RAP1GAP2: variants seen among roughly 807,000 people sequenced by gnomAD.
RAP1GAP2 encodes the protein RAP1 GTPase activating protein 2.
In RAP1GAP2, 27 loss-of-function variants were observed where a neutral mutation model predicts 95.0. That is an observed-to-expected ratio of 0.28 (90% confidence interval 0.21 to 0.39). The LOEUF (loss-of-function observed/expected upper bound fraction) is 0.39. Ranked by LOEUF, RAP1GAP2 falls within the 10% of genes least tolerant of loss-of-function variation. RAP1GAP2 has a pLI of 1.00. For synonymous variants in RAP1GAP2, 373 were observed against 380.9 expected (o/e 0.98, Z 0.24); for missense variants, 771 against 970.0 (o/e 0.79, Z 2.72).
chr17:2,792,829 G>A (rs915469513), upstream of RAP1GAP2, among the ~76,000 whole-genome samples: 8 of 152,220 alleles, frequency 5.3e-5, no homozygotes, highest in African/African-American at 1.7e-4. Flanking sequence ...CCAGGCTGCC[G>A]TTCAGATGTC....
chr17:2,904,476 T>C lies in RAP1GAP2; in HGVS notation c.81-808T>C, dbSNP rs1314374227. On this transcript the variant is annotated intron_variant, in intron 2 of 24. Transcript: ENST00000254695. This position sits in a 1 kb window ranked among gnomAD's most constrained non-coding sequence, Gnocchi z 4.7. ...CACATGGACTAAGTTAAGTTTTACCTGCGGTTGCACGGCAGGCAGCCCTGT... is the reference window on the plus strand; with the variant it reads ...CACATGGACTAAGTTAAGTTTTACCCGCGGTTGCACGGCAGGCAGCCCTGT... 6.6e-6 allele frequency among the ~76,000 whole-genome samples: 1 copy of C among 151,766 alleles called. No homozygotes were observed. Among genetic ancestry groups the C allele is most frequent in the Non-Finnish European group, 1.5e-5 (1 of 67,966 alleles).
intron 2 of RAP1GAP2, among the ~76,000 whole-genome samples, chr17:2,872,335 C>G (rs530661605): frequency 6.6e-6 from 1 of 151,262 alleles, no homozygotes; most frequent in African/African-American, 2.4e-5. Flanking sequence ...GGGTTGCAAT[C>G]TGAGGTGTCC....
chr17:2,980,935 A>G (rs1323094931), intron 9 of RAP1GAP2, among the ~76,000 whole-genome samples: 1 of 152,166 alleles, frequency 6.6e-6, no homozygotes. Context: ...TGGGCTGGAT[A>G]GTTTTTGGCC....
At chr17:2,845,846 G>T (rs1297510680) in intron 2 of RAP1GAP2, among the ~76,000 whole-genome samples, 1 of 150,876 alleles carries the variant, frequency 6.6e-6, no homozygotes, top group African/African-American at 2.4e-5. Context: ...GGGTGACAGA[G>T]TGAGGCTCTG....
chr17:2,933,784 G>A (rs1237214739), intron 3 of RAP1GAP2, among the ~76,000 whole-genome samples: 1 of 152,240 alleles, frequency 6.6e-6, no homozygotes, highest in African/African-American at 2.4e-5. Flanking sequence ...CCACTAAGAG[G>A]CTTAGACCTG....
At chr17:3,031,396 G>A (rs2047289235) in intron 23 of RAP1GAP2, among the ~76,000 whole-genome samples, 1 of 150,962 alleles carries the variant, frequency 6.6e-6, no homozygotes, top group Non-Finnish European at 1.5e-5. Context: ...CAGATGTGAG[G>A]TGGAAGGTGC....
chr17:2,768,076 C>T (rs1194256298), intron 1 of RAP1GAP2, among the ~76,000 whole-genome samples: 2 of 152,070 alleles, frequency 1.3e-5, no homozygotes, highest in African/African-American at 2.4e-5. Context: ...TTATTTAGCT[C>T]CCTACTGAAG....
intron 2 of RAP1GAP2, among the ~76,000 whole-genome samples, chr17:2,800,904 C>T (rs1189444597): frequency 2.1e-5 from 3 of 141,298 alleles, no homozygotes; most frequent in South Asian, 2.2e-4. Flanking sequence ...GGCTGGAGTG[C>T]GGTGGCATGA....
chr17:2,873,397 C>T (rs1486202487), intron 2 of RAP1GAP2, among the ~76,000 whole-genome samples: 1 of 140,750 alleles, frequency 7.1e-6, no homozygotes, highest in East Asian at 2.1e-4. Flanking sequence ...ATCGCCTGAG[C>T]CCAGGAGGCG....
At chr17:2,875,372 C>T (rs768780095) in intron 2 of RAP1GAP2, among the ~76,000 whole-genome samples, 1 of 152,016 alleles carries the variant, frequency 6.6e-6, no homozygotes, top group African/African-American at 2.4e-5. Flanking sequence ...CGGCCACAAG[C>T]AGGTTTGTAA....
rs139932933 is a variant in RAP1GAP2, at chr17:2,953,339, A to G, written c.166-4420A>G. Among the ~76,000 whole-genome samples, 55 of 152,154 alleles carry G rather than the reference A, an allele frequency of 3.6e-4. No individual in the cohort carries two copies. The East Asian group carries it at 7.7e-3, about 21-fold the overall frequency. ...CTCAGCCTCCTGTGTAGCTAGGATT[A>G]CAGGTGTGAACCACCGTGTCTGGCT... On this transcript the variant is annotated intron_variant, in intron 3 of 24. Transcript: ENST00000254695.
At chr17:2,877,983 A>G (rs997966637) in intron 2 of RAP1GAP2, among the ~76,000 whole-genome samples, 1 of 151,994 alleles carries the variant, frequency 6.6e-6, no homozygotes, top group Non-Finnish European at 1.5e-5. Flanking sequence ...ATTGGGGTGC[A>G]TTGACTGAGC....
intron 19 of RAP1GAP2, among the ~76,000 whole-genome samples, chr17:3,025,094 C>T (rs1006781696): frequency 2.6e-5 from 4 of 152,110 alleles, no homozygotes; most frequent in Admixed American, 6.5e-5. Context: ...AGTACATTGA[C>T]GGCCAGGTGC....
intron 4 of RAP1GAP2, among the ~76,000 whole-genome samples, chr17:2,959,661 C>G (rs1259897040): frequency 3.3e-5 from 5 of 152,176 alleles, no homozygotes; most frequent in African/African-American, 1.2e-4. Context: ...CCGGGATTCC[C>G]GATACCTAGC....
chr17:2,997,414 T>C (rs2045997063), intron 13 of RAP1GAP2, among the ~76,000 whole-genome samples: 1 of 152,222 alleles, frequency 6.6e-6, no homozygotes, highest in Admixed American at 6.5e-5. Flanking sequence ...CCTTGCTGGC[T>C]GGTGGCTTTG....
chr17:2,875,610 GC>G (rs1336462360), intron 2 of RAP1GAP2, among the ~76,000 whole-genome samples: 1 of 152,122 alleles, frequency 6.6e-6, no homozygotes, highest in Non-Finnish European at 1.5e-5. Context: ...GCTTTTCAGT[GC>G]CTCTCTGGGC....
intron 2 of RAP1GAP2, among the ~76,000 whole-genome samples, chr17:2,807,630 T>C (rs1226819037): frequency 6.6e-6 from 1 of 152,080 alleles, no homozygotes; most frequent in Non-Finnish European, 1.5e-5. Flanking sequence ...GAGAATGCAC[T>C]CCAGGTAGCC....
rs2069209161 is a variant in RAP1GAP2, at chr17:2,799,903, C to T, written c.45-612C>T. 1.3e-5 allele frequency among the ~76,000 whole-genome samples: 2 copies of T among 152,160 alleles called. 1 individual carries two copies. The highest frequency in any genetic ancestry group is 4.1e-4 in the South Asian group (2 of 4,834). On this transcript the variant is annotated intron_variant, in intron 1 of 24. Transcript: ENST00000254695. ...CACAGGCTGGGGATGGAGGAGCTGG[C>T]TGTGAGGGCAGTCTGCAGCAAACGT...
chr17:2,942,792 G>A (rs149257394), intron 3 of RAP1GAP2, among the ~76,000 whole-genome samples: 1 of 152,058 alleles, frequency 6.6e-6, no homozygotes, highest in African/African-American at 2.4e-5. Context: ...TTTTGAGACG[G>A]AGTCTTGCTC....
Sources: allele counts gnomAD v4.1 joint callset (sites outside exome capture counted in the v4.1 genomes callset), GRCh38; gene constraint gnomAD v4.1.1; non-coding constraint Gnocchi (gnomAD v3.1); transcripts MANE v1.5; gene names NCBI Gene and HGNC (gene_info 2026-07-23, HGNC 2026-07-21).